The following SGCZ variants were observed in gnomAD, a reference collection of about 807,000 sequenced individuals.
SGCZ encodes zeta-sarcoglycan.
Under a neutral mutation model 41.3 loss-of-function variants are expected in SGCZ, and 40 were observed. The observed-to-expected ratio is 0.97, with a 90% CI of 0.75 to 1.26. The LOEUF is 1.26. Among genes scored for constraint, SGCZ ranks in the 50% most tolerant of loss-of-function variants. SGCZ has a pLI of 0.00. For missense variants in SGCZ, 552 were observed against 369.8 expected (o/e 1.49, Z -4.04); for synonymous variants, 206 against 137.5 (o/e 1.50, Z -3.49).
At chr8:15,046,604 C>T (rs1420211350) in intron 1 of SGCZ, among the ~76,000 whole-genome samples, 2 of 151,890 alleles carry the variant, frequency 1.3e-5, no homozygotes, top group African/African-American at 4.8e-5. Context: ...TTCCCTGATG[C>T]CCCAGTCCAA....
chr8:14,963,858 C>T (rs1801045984), intron 1 of SGCZ, among the ~76,000 whole-genome samples: 1 of 152,096 alleles, frequency 6.6e-6, no homozygotes, highest in African/African-American at 2.4e-5. Context: ...TCACGCTTTC[C>T]TTCAAATTTA....
chr8:15,074,270 TCA>T (rs1292355025), intron 1 of SGCZ, among the ~76,000 whole-genome samples: 3 of 152,166 alleles, frequency 2.0e-5, no homozygotes, highest in Non-Finnish European at 4.4e-5. Flanking sequence ...CAAAATCTTC[TCA>T]GTCTACTGGC....
At chr8:14,826,344 T>C (rs1802315005) in intron 1 of SGCZ, among the ~76,000 whole-genome samples, 1 of 152,164 alleles carries the variant, frequency 6.6e-6, no homozygotes, top group South Asian at 2.1e-4. Context: ...GGTTGGACAT[T>C]TGGCTTGGTT....
chr8:14,870,102 A>G (rs908100151), intron 1 of SGCZ, among the ~76,000 whole-genome samples: 2 of 152,204 alleles, frequency 1.3e-5, no homozygotes, highest in Admixed American at 1.3e-4. Flanking sequence ...TGGAACCAAA[A>G]AAGAGCCAGT....
At chr8:14,653,043 C>CA (rs1459812355) in intron 1 of SGCZ, among the ~76,000 whole-genome samples, 14 of 151,782 alleles carry the variant, frequency 9.2e-5, no homozygotes, top group African/African-American at 2.4e-4. Context: ...TTATTGCCAG[C>CA]AAAAAAAGCA....
At chr8:14,247,807 T>C (rs902690856) in intron 3 of SGCZ, among the ~76,000 whole-genome samples, 1 of 152,182 alleles carries the variant, frequency 6.6e-6, no homozygotes, top group African/African-American at 2.4e-5. Context: ...CCAGTCAGTA[T>C]GTTCACTATG....
At chr8:15,051,670 A>AT (rs1325290030) in intron 1 of SGCZ, among the ~76,000 whole-genome samples, 6 of 152,104 alleles carry the variant, frequency 3.9e-5, no homozygotes, top group Non-Finnish European at 7.4e-5. Flanking sequence ...TGGTGTTACC[A>AT]TTTTTTAAAA....
intron 1 of SGCZ, among the ~76,000 whole-genome samples, chr8:15,176,223 C>G (rs1436450894): frequency 1.3e-5 from 2 of 152,156 alleles, no homozygotes; most frequent in Non-Finnish European, 2.9e-5. Flanking sequence ...ACCTTCTAGT[C>G]TGTACCATGA....
chr8:14,683,872 C>T (rs886747426), intron 1 of SGCZ, among the ~76,000 whole-genome samples: 3 of 152,084 alleles, frequency 2.0e-5, no homozygotes, highest in Non-Finnish European at 4.4e-5. Flanking sequence ...TCCTCTGATA[C>T]ACACTTAAAC....
At chr8:14,252,280 A>G (rs911213420) in intron 3 of SGCZ, among the ~76,000 whole-genome samples, 18 of 152,018 alleles carry the variant, frequency 1.2e-4, no homozygotes, top group African/African-American at 4.3e-4. Context: ...TTAAAATATT[A>G]ATTTATGAAT....
chr8:14,702,888 G>T (rs1325856329), intron 1 of SGCZ, among the ~76,000 whole-genome samples: 1 of 146,468 alleles, frequency 6.8e-6, no homozygotes, highest in Non-Finnish European at 1.5e-5. Flanking sequence ...TAGATAAAAA[G>T]ATAGATAGAC....
chr8:15,149,177 T>A (rs78249927), intron 1 of SGCZ, among the ~76,000 whole-genome samples: 6 of 129,872 alleles, frequency 4.6e-5, no homozygotes, highest in Admixed American at 3.8e-4. Flanking sequence ...ATTATTCTTA[T>A]TTTTTTTTAT....
intron 2 of SGCZ, among the ~76,000 whole-genome samples, chr8:14,380,790 C>T (rs781604919): frequency 6.6e-6 from 1 of 151,974 alleles, no homozygotes; most frequent in African/African-American, 2.4e-5. Flanking sequence ...ACCCAGGAGG[C>T]GGAGCTTGCA....
chr8:15,182,252 T>C (rs1800200844), intron 1 of SGCZ, among the ~76,000 whole-genome samples: 1 of 152,164 alleles, frequency 6.6e-6, no homozygotes. Flanking sequence ...ACCTAGATTA[T>C]CAAACTATAA....
At chr8:14,862,027 T>A (rs994676945) in intron 1 of SGCZ, among the ~76,000 whole-genome samples, 2 of 151,592 alleles carry the variant, frequency 1.3e-5, no homozygotes, top group Non-Finnish European at 2.9e-5. Context: ...AAAAAAAAAA[T>A]AGTCTGTAGT....
rs555912503 is a variant in SGCZ at position 14,739,733 on chromosome 8, T to C, written c.40-184807A>G. Among the ~76,000 whole-genome samples the C allele has an allele frequency of 3.0e-4, 45 of 152,176 alleles. 1 individual carries two copies. Among genetic ancestry groups the C allele is most frequent in the African/African-American group, 9.9e-4 (41 of 41,554 alleles). ...TTATATTATTTACAATTAATCTTCC[T>C]CCTAAGAGTCACAACGTTAAAAGGA... On this transcript the variant is annotated intron_variant, in intron 1 of 7. Coordinates refer to ENST00000382080, the MANE Select transcript of SGCZ (RefSeq NM_139167.4).
chr8:14,950,026 CTGG>C lies in SGCZ; in HGVS notation c.39+287556_39+287558del, dbSNP rs1800580718. ...TTCTTAATTTTATCCTTTTCAAATA[CTGG>C]ACCCAGCTACTAAAGGCTTTCAAAA... On this transcript the variant is annotated intron_variant, in intron 1 of 7. Coordinates refer to ENST00000382080, the MANE Select transcript of SGCZ (RefSeq NM_139167.4). 3.3e-5 allele frequency among the ~76,000 whole-genome samples: 5 copies of C among 152,180 alleles called. No individual in the cohort carries two copies. The South Asian group carries it at 6.2e-4, about 19-fold the overall frequency.
chr8:14,767,097 C>A (rs1282377191), intron 1 of SGCZ, among the ~76,000 whole-genome samples: 1 of 152,166 alleles, frequency 6.6e-6, no homozygotes, highest in Non-Finnish European at 1.5e-5. Context: ...AATCATCCTT[C>A]ATAATACTTT....
chr8:15,173,059 A>G (rs1332298171), intron 1 of SGCZ, among the ~76,000 whole-genome samples: 1 of 152,214 alleles, frequency 6.6e-6, no homozygotes, highest in Non-Finnish European at 1.5e-5. Flanking sequence ...TCGACTTTTA[A>G]ATTCTCACTG....
Sources: allele counts gnomAD v4.1 joint callset (sites outside exome capture counted in the v4.1 genomes callset), GRCh38; gene constraint gnomAD v4.1.1; transcripts MANE v1.5; gene names NCBI Gene and HGNC (gene_info 2026-07-23, HGNC 2026-07-21).